Variants in BTBD8 observed in about 807,000 individuals in gnomAD.
BTBD8 encodes the protein BTB/POZ domain-containing protein 8.
In BTBD8, 110 loss-of-function variants were observed where a neutral mutation model predicts 162.9. The observed-to-expected ratio is 0.68, with a 90% CI of 0.58 to 0.79. The LOEUF (loss-of-function observed/expected upper bound fraction) is 0.79, where lower values mean the gene tolerates loss of function less well. BTBD8 is among the 30% of genes least tolerant of loss of function. The pLI, the probability that BTBD8 is intolerant of heterozygous loss-of-function variation, is 0.00. For missense variants in BTBD8, 1,905 were observed against 2,085.4 expected, an observed-to-expected ratio of 0.91 and a Z score of 1.68; for synonymous variants, 667 against 716.1, an observed-to-expected ratio of 0.93 and a Z score of 1.10.
intron 7 of BTBD8, among the ~76,000 whole-genome samples, chr1:92,145,481 G>T (rs1649889063): frequency 6.6e-6 from 1 of 152,096 alleles, no homozygotes; most frequent in Admixed American, 6.5e-5. Flanking sequence ...GCTGTTTGAT[G>T]GTCTTTATTT....
At chr1:92,162,821 ATTCTAC>A (rs995174911) in intron 9 of BTBD8, among the ~76,000 whole-genome samples, 1 of 152,146 alleles carries the variant, frequency 6.6e-6, no homozygotes, top group African/African-American at 2.4e-5. Context: ...TGACCCAGCA[ATTCTAC>A]TTCTAGAAAT....
intron 3 of BTBD8, among the ~76,000 whole-genome samples, chr1:92,106,100 C>A (rs13376352): frequency 6.6e-6 from 1 of 152,200 alleles, no homozygotes; most frequent in Non-Finnish European, 1.5e-5. Context: ...GGATTAGTCT[C>A]TTGATTGTGA....
chr1:92,143,122 C>T (rs1649816044), intron 7 of BTBD8, among the ~76,000 whole-genome samples: 2 of 152,104 alleles, frequency 1.3e-5, no homozygotes, highest in African/African-American at 4.8e-5. Flanking sequence ...CCTATAGTTT[C>T]ATTAAGGGAT....
At chr1:92,171,570 T>C in intron 13 of BTBD8, 110 bp downstream of exon 13, 1 of 652,634 alleles carries the variant, frequency 1.5e-6, no homozygotes, top group East Asian at 3.4e-5. Flanking sequence ...TAATTGAAGC[T>C]ATTTCTTAAT....
chr1:92,184,387 T>C lies in BTBD8; in HGVS notation c.*57T>C, dbSNP rs41286795. The C allele has an allele frequency of 7.9e-5, 83 of 1,046,146 alleles. No homozygotes were observed. The highest frequency in any genetic ancestry group is 1.1e-4 in the Non-Finnish European group (77 of 730,446). The allele number at this position is 1,046,146 out of a possible 1,614,324, so 64.8% of individuals were successfully genotyped here. A position where few individuals can be genotyped will look rare whatever the true frequency, so the allele number is the denominator to read the frequency against. On this transcript the variant is annotated 3_prime_UTR_variant, in exon 18 of 18. Coordinates refer to ENST00000636805, the MANE Select transcript of BTBD8 (RefSeq NM_001376131.1). ...CCTTTATTTTTTGATGCCTATATTA[T>C]ATCCAAATGATAATTGCATTAGCCG...
At chr1:92,170,372 G>T (rs984382484) in intron 12 of BTBD8, among the ~76,000 whole-genome samples, 1 of 152,052 alleles carries the variant, frequency 6.6e-6, no homozygotes, top group African/African-American at 2.4e-5. Context: ...CCAGATAAAG[G>T]AATGGTTCTG....
Position 92,139,440 on chromosome 1 carries a change from C to A in BTBD8, c.833+10C>A, listed in dbSNP as rs1649715030. The A allele has an allele frequency of 6.3e-7, 1 of 1,595,242 alleles. No homozygotes were observed. The highest frequency in any genetic ancestry group is 1.2e-5 in the South Asian group (1 of 85,732). The stretch of plus-strand genomic sequence containing the variant: ...ACAAAACTAATGTTGGGTATGTATT[C>A]CTTTTTAATAATTTAAAATATAAAA... On this transcript the variant is annotated intron_variant, in intron 6 of 17. Coordinates refer to ENST00000636805, the MANE Select transcript of BTBD8 (RefSeq NM_001376131.1).
At chr1:92,084,874 G>A (rs879622998) in intron 1 of BTBD8, among the ~76,000 whole-genome samples, 3 of 151,962 alleles carry the variant, frequency 2.0e-5, no homozygotes, top group Non-Finnish European at 4.4e-5. Flanking sequence ...CTGCCACTTC[G>A]CACCCTCTCA....
intron 2 of BTBD8, among the ~76,000 whole-genome samples, chr1:92,101,184 A>G (rs1648582658): frequency 6.6e-6 from 1 of 152,192 alleles, no homozygotes; most frequent in South Asian, 2.1e-4. Context: ...GATGTTTTCT[A>G]ATCCTGAGTT....
At chr1:92,130,540 A>C (rs1469978953) in intron 5 of BTBD8, among the ~76,000 whole-genome samples, 3 of 78,878 alleles carry the variant, frequency 3.8e-5, no homozygotes, top group Non-Finnish European at 7.7e-5. Context: ...ATATATATTT[A>C]CACACACACA....
chr1:92,124,896 G>C (rs927798561), intron 4 of BTBD8, among the ~76,000 whole-genome samples: 1 of 151,902 alleles, frequency 6.6e-6, no homozygotes, highest in Non-Finnish European at 1.5e-5. Context: ...CGGACCTTTA[G>C]AATTGTAAGC....
At position 92,181,110 on chromosome 1, in the gene BTBD8, G is replaced by A; in HGVS notation, c.3427G>A (p.Glu1143Lys). ...CAAACAATCAAGTATTAAATGTGTG[G>A]AAGATGTTTCACTGTGTAATCCTGA... ...TNKQSSIKCV[E>K]DVSLCNPERT... Residue 1143 changes from glutamate to lysine, a missense_variant, in exon 17 of 18, where the codon GAA (glutamate) becomes AAA (lysine). Physicochemically the swap from Glu to Lys is moderately conservative, Grantham distance 56. Around this residue, in one of 3 missense-constraint regions of BTBD8, gnomAD observed 1,374 missense variants for 1,442.7 expected, o/e 0.95. Coordinates refer to ENST00000636805, the MANE Select transcript of BTBD8 (RefSeq NM_001376131.1). The A allele has an allele frequency of 1.9e-6, 3 of 1,551,554 alleles. No individual in the cohort carries two copies. The African/African-American group carries it at 4.1e-5, about 21-fold the overall frequency.
At chr1:92,089,438 A>G (rs80159725) in intron 2 of BTBD8, among the ~76,000 whole-genome samples, 3,296 of 152,294 alleles carry the variant, frequency 0.022, 134 homozygotes, top group African/African-American at 0.075. Context: ...TAAAAATATA[A>G]CGTCATAACT....
At chr1:92,101,063 A>G (rs1262332417) in intron 2 of BTBD8, among the ~76,000 whole-genome samples, 1 of 152,096 alleles carries the variant, frequency 6.6e-6, no homozygotes, top group Non-Finnish European at 1.5e-5. Context: ...GTAGTCTTTT[A>G]TCCCTCATCC....
intron 9 of BTBD8, among the ~76,000 whole-genome samples, chr1:92,152,288 G>A (rs1650063419): frequency 6.6e-6 from 1 of 152,098 alleles, no homozygotes; most frequent in African/African-American, 2.4e-5. Flanking sequence ...CAAGCATTAA[G>A]TTACATGTCA....
At chr1:92,084,326 G>A (rs1312399984) in intron 1 of BTBD8, among the ~76,000 whole-genome samples, 6 of 152,104 alleles carry the variant, frequency 3.9e-5, no homozygotes, top group African/African-American at 1.4e-4. Context: ...TAGCAATAAT[G>A]TAGGCATACA....
intron 7 of BTBD8, among the ~76,000 whole-genome samples, chr1:92,141,857 ATTAC>A (rs1475688455): frequency 6.6e-6 from 1 of 152,176 alleles, no homozygotes; most frequent in Non-Finnish European, 1.5e-5. Context: ...AAGAATGTGT[ATTAC>A]TTTTATAATC....
chr1:92,149,996 A>G (rs1570746111), intron 9 of BTBD8, among the ~76,000 whole-genome samples: 1 of 152,144 alleles, frequency 6.6e-6, no homozygotes, highest in Admixed American at 6.5e-5. Context: ...TTCAAACTAC[A>G]CCATCAGATA....
chr1:92,178,974 G>A (rs1316413928), intron 16 of BTBD8, among the ~76,000 whole-genome samples: 3 of 152,132 alleles, frequency 2.0e-5, no homozygotes, highest in African/African-American at 4.8e-5. Flanking sequence ...GGCTAGGCGC[G>A]GTGGCTCACG....
Sources: gnomAD v4.1 joint callset for allele counts (sites outside exome capture counted in the v4.1 genomes callset) on GRCh38, gnomAD v4.1.1 for gene constraint, gnomAD v4.1.1 regional missense constraint, MANE v1.5 for transcripts, NCBI Gene and HGNC (gene_info 2026-07-23, HGNC 2026-07-21) for gene names.